IGF2BP1: variants seen among roughly 807,000 people sequenced by gnomAD.
IGF2BP1 encodes insulin like growth factor 2 mRNA binding protein 1.
A neutral mutation model predicts 74.9 loss-of-function variants in IGF2BP1; 11 were observed. The observed-to-expected ratio is 0.15, with a 90% confidence interval of 0.09 to 0.24. IGF2BP1 has a LOEUF of 0.24. Among genes scored for constraint, IGF2BP1 ranks in the 10% least tolerant of loss-of-function variants. The pLI, the probability that IGF2BP1 is intolerant of heterozygous loss-of-function variation, is 1.00. For synonymous variants in IGF2BP1, 287 were observed against 281.8 expected (o/e 1.02, Z -0.18); for missense variants, 440 against 757.4 (o/e 0.58, Z 4.92).
At chr17:49,010,794 A>C (rs17635703) in intron 2 of IGF2BP1, among the ~76,000 whole-genome samples, 5,685 of 151,704 alleles carry the variant, frequency 0.037, 149 homozygotes, top group Non-Finnish European at 0.052. Context: ...GGAAAAACTG[A>C]GAGTACAGAG....
intron 5 of IGF2BP1, among the ~76,000 whole-genome samples, chr17:49,033,025 C>A (rs548317001): frequency 2.2e-4 from 33 of 152,302 alleles, no homozygotes; most frequent in African/African-American, 7.9e-4. Context: ...CCATGTTGCC[C>A]AAGCTGGTCT....
intron 4 of IGF2BP1, among the ~76,000 whole-genome samples, chr17:49,031,284 T>C (rs1479359130): frequency 1.3e-5 from 2 of 151,852 alleles, no homozygotes; most frequent in African/African-American, 4.8e-5. Context: ...ATTTTTGTGT[T>C]TTTTGTTAGA....
chr17:49,017,681 T>C (rs369092378), intron 2 of IGF2BP1: 1 of 152,172 alleles, frequency 6.6e-6, no homozygotes, highest in African/African-American at 2.4e-5. Context: ...TGATATCAGC[T>C]CACCACAACC....
In IGF2BP1 at chr17:49,051,177, CTGA is replaced by C. The variant is rs2042162714; in HGVS notation, c.*1735_*1737del. The C allele has an allele frequency of 6.6e-6, 1 of 152,282 alleles. No homozygotes were observed. The highest frequency in any genetic ancestry group is 2.1e-4 in the South Asian group (1 of 4,816). The allele number at this position is 152,282 out of a possible 1,614,324, so 9.4% of individuals were successfully genotyped here. A position where few individuals can be genotyped will look rare whatever the true frequency, so the allele number is the denominator to read the frequency against. ...TTGATTTTTGTTTTTTTGCAGCTTGCTGATATTTTATATAAAAAAGAAAAGCAA... is the reference window on the plus strand; with the variant it reads ...TTGATTTTTGTTTTTTTGCAGCTTGCTATTTTATATAAAAAAGAAAAGCAA... On this transcript the variant is annotated 3_prime_UTR_variant, in exon 15 of 15. Coordinates refer to ENST00000290341, the MANE Select transcript of IGF2BP1 (RefSeq NM_006546.4).
chr17:49,035,504 C>A (rs1339347736), intron 5 of IGF2BP1, among the ~76,000 whole-genome samples: 2 of 152,192 alleles, frequency 1.3e-5, no homozygotes, highest in East Asian at 3.9e-4. Flanking sequence ...GATGCGGATG[C>A]GAGGTGCGCT....
chr17:49,007,421 A>G (rs1229414201), intron 2 of IGF2BP1, among the ~76,000 whole-genome samples: 3 of 152,220 alleles, frequency 2.0e-5, no homozygotes, highest in Non-Finnish European at 4.4e-5. Context: ...GCGTGCCATA[A>G]TGCAGGCACA....
Position 49,026,988 on chromosome 17 carries a change from G to A in IGF2BP1, c.337+471G>A, listed in dbSNP as rs1051367108. ...GATCTCCTGACCTTGTGACCCACCC[G>A]CCTCAGCCTCCCAAAATGCTGGGAT... On this transcript the variant is annotated intron_variant, in intron 4 of 14. Transcript: ENST00000290341. Among the ~76,000 whole-genome samples the A allele has an allele frequency of 7.9e-5, 12 of 152,278 alleles. No homozygotes were observed. The East Asian group carries it at 2.3e-3, about 29-fold the overall frequency.
rs578009342 is a variant in IGF2BP1 at position 49,026,531 on chromosome 17, G to A, written c.337+14G>A. On this transcript the variant is annotated intron_variant, in intron 4 of 14. Coordinates refer to ENST00000290341, the MANE Select transcript of IGF2BP1 (RefSeq NM_006546.4). ...ACTGTGAGCAAGGTAAGAGTGGGCC[G>A]GGTGTGGGGTGGCACTCGTGGTGGG... is the stretch of plus-strand genomic sequence containing the variant. 13 of 1,612,890 alleles carry A rather than the reference G, an allele frequency of 8.1e-6. No individual in the cohort carries two copies. In the South Asian group the frequency reaches 8.8e-5, roughly 11 times the overall value.
At position 48,998,036 on chromosome 17, in the gene IGF2BP1, C is replaced by T. The variant is rs1424265064; in HGVS notation, c.175+116C>T. 6.0e-6 allele frequency: 7 copies of T among 1,157,502 alleles called. No individual in the cohort carries two copies. The Admixed American group carries it at 9.2e-5, about 15-fold the overall frequency. The allele number at this position is 1,157,502 out of a possible 1,614,324, so 71.7% of individuals were successfully genotyped here. A position where few individuals can be genotyped will look rare whatever the true frequency, so the allele number is the denominator to read the frequency against. On this transcript the variant is annotated intron_variant, in intron 1 of 14. Transcript: ENST00000290341. ...CTCTTCCCGGGCCTGCGGGGTTTGGCCTCCGTACCCACCCTCGACCTACCC... is the reference window on the plus strand; with the variant it reads ...CTCTTCCCGGGCCTGCGGGGTTTGGTCTCCGTACCCACCCTCGACCTACCC...
rs2042173605 is a variant in IGF2BP1, at chr17:49,052,045, A to T, written c.*2601A>T. ...CTGGTGGCAAGGAGGGGCAGGGGAT[A>T]TGGGGACGTGACTGGGACAGGTTCC... On this transcript the variant is annotated 3_prime_UTR_variant, in exon 15 of 15. Transcript: ENST00000290341. 1 of 152,150 alleles carries T rather than the reference A, an allele frequency of 6.6e-6. No individual in the cohort carries two copies. The highest frequency in any genetic ancestry group is 1.5e-5 in the Non-Finnish European group (1 of 68,034). 9.4% of individuals were successfully genotyped at this position (152,150 alleles called of 1,614,324 possible).
chr17:49,037,442 T>C lies in IGF2BP1; in HGVS notation c.402-726T>C, dbSNP rs761706791. On this transcript the variant is annotated intron_variant, in intron 5 of 14. Transcript: ENST00000290341. ...CTTCCCATAAGCCTGTAGGCAAATA[T>C]TCAAATGATATTCAGGAACTCTAAT... The C allele has an allele frequency of 3.1e-4, 112 of 359,854 alleles. 1 individual carries two copies. The highest frequency in any genetic ancestry group is 4.1e-4 in the Non-Finnish European group (77 of 187,906). 22.3% of individuals were successfully genotyped at this position (359,854 alleles called of 1,614,324 possible).
intron 2 of IGF2BP1, among the ~76,000 whole-genome samples, chr17:49,004,087 C>T (rs542828792): frequency 6.6e-6 from 1 of 152,138 alleles, no homozygotes; most frequent in African/African-American, 2.4e-5. Flanking sequence ...AGTCCCAGCC[C>T]GGCAATCTCG....
At chr17:49,029,309 C>T (rs558635876) in intron 4 of IGF2BP1, among the ~76,000 whole-genome samples, 1 of 152,272 alleles carries the variant, frequency 6.6e-6, no homozygotes, top group East Asian at 1.9e-4. Flanking sequence ...CTGATGAAGA[C>T]CAGAGCAGTT....
intron 5 of IGF2BP1, among the ~76,000 whole-genome samples, chr17:49,036,107 A>G (rs184823817): frequency 1.5e-4 from 22 of 146,624 alleles, no homozygotes; most frequent in African/African-American, 5.6e-4. Context: ...ACCGGGGTTG[A>G]CTGGAAGCGA....
At chr17:49,011,150 AAAAAAAAAAAAAAAAAAC>A (rs1354181095) in intron 2 of IGF2BP1, among the ~76,000 whole-genome samples, 31 of 136,028 alleles carry the variant, frequency 2.3e-4, no homozygotes, top group African/African-American at 8.2e-4. Flanking sequence ...AAAAAAAAAA[AAAAAAAAAAAAAAAAAAC>A]AAACCCTAAA....
chr17:48,999,923 G>GGTGTGTGTGTGTGTGTGTGTGT (rs371605973), intron 2 of IGF2BP1, among the ~76,000 whole-genome samples: 62 of 134,106 alleles, frequency 4.6e-4, no homozygotes, highest in Middle Eastern at 3.8e-3. Flanking sequence ...GTGGATGAAT[G>GGTGTGTGTGTGTGTGTGTGTGT]GTGTGTGTGT....
chr17:49,030,397 C>T (rs749093759), intron 4 of IGF2BP1, among the ~76,000 whole-genome samples: 17 of 152,144 alleles, frequency 1.1e-4, no homozygotes, highest in Non-Finnish European at 1.8e-4. Context: ...CTGCCTCAGC[C>T]TCCTGAAGTG....
At chr17:49,020,554 G>T (rs962978269) in intron 2 of IGF2BP1, among the ~76,000 whole-genome samples, 1 of 152,114 alleles carries the variant, frequency 6.6e-6, no homozygotes, top group Non-Finnish European at 1.5e-5. Context: ...CAGACTCTTC[G>T]CACTGTCCCT....
Position 48,997,823 on chromosome 17 carries a change from G to C in IGF2BP1, c.78G>C (p.Lys26Asn), listed in dbSNP as rs1030005825. The C allele has an allele frequency of 6.2e-7, 1 of 1,614,174 alleles. No individual in the cohort carries two copies. Among genetic ancestry groups the C allele is most frequent in the Non-Finnish European group, 8.5e-7 (1 of 1,180,016 alleles). Residue 26 changes from lysine (K) to asparagine (N), a missense_variant, in exon 1 of 15, where the codon AAG becomes AAC. Lys to Asn is a moderately conservative substitution (Grantham distance 94, BLOSUM62 0). Coordinates refer to ENST00000290341, the MANE Select transcript of IGF2BP1 (RefSeq NM_006546.4). This position sits in a 1 kb window ranked among gnomAD's most constrained non-coding sequence, Gnocchi z 4.8. ...ADLEKVFAEHKISYSGQFLVK... is the reference protein window; with the variant it reads ...ADLEKVFAEHNISYSGQFLVK... The stretch of plus-strand genomic sequence containing the variant: ...TGGAGAAAGTGTTTGCGGAGCACAA[G>C]ATCTCCTACAGCGGCCAGTTCTTGG...
Sources: allele counts gnomAD v4.1 joint callset (sites outside exome capture counted in the v4.1 genomes callset), GRCh38; gene constraint gnomAD v4.1.1; non-coding constraint Gnocchi (gnomAD v3.1); transcripts MANE v1.5; gene names NCBI Gene and HGNC (gene_info 2026-07-23, HGNC 2026-07-21).